The following GREB1 variants were observed in gnomAD, a reference collection of about 807,000 sequenced individuals.
The protein encoded by GREB1 is protein GREB1.
Under a neutral mutation model 200.7 loss-of-function variants are expected in GREB1, and 106 were observed. That is an observed-to-expected ratio of 0.53 (90% CI 0.45 to 0.62). The LOEUF (loss-of-function observed/expected upper bound fraction) is 0.62. Ranked by LOEUF, GREB1 falls within the 20% of genes least tolerant of loss-of-function variation. GREB1 has a pLI of 0.00. For missense variants in GREB1, 2,243 were observed against 2,556.8 expected, an observed-to-expected ratio of 0.88 and a Z score of 2.65; for synonymous variants, 1,132 against 1,092.4, an observed-to-expected ratio of 1.04 and a Z score of -0.72.
At chr2:11,557,785 T>G (rs1369354058) in intron 2 of GREB1, among the ~76,000 whole-genome samples, 2 of 152,204 alleles carry the variant, frequency 1.3e-5, no homozygotes, top group Non-Finnish European at 2.9e-5. Flanking sequence ...TGAGAGAAAC[T>G]AGACTGTGGT....
chr2:11,638,198 T>C (rs1209776679), intron 31 of GREB1, among the ~76,000 whole-genome samples: 2 of 152,224 alleles, frequency 1.3e-5, no homozygotes, highest in Non-Finnish European at 2.9e-5. Flanking sequence ...TGGAGTGCAA[T>C]GGCACGATCT....
chr2:11,637,631 T>A (rs3749064), intron 30 of GREB1, 85 bp from the exon 31 acceptor site: 4 of 1,231,544 alleles, frequency 3.2e-6, no homozygotes, highest in Non-Finnish European at 4.7e-6. Context: ...GCTCCCATGC[T>A]TGGGCCACCC....
chr2:11,607,533 T>C (rs4312459), intron 17 of GREB1, among the ~76,000 whole-genome samples: 2,181 of 42,032 alleles, frequency 0.052, 80 homozygotes, highest in African/African-American at 0.14. Flanking sequence ...TATATACACA[T>C]ATATATACAT....
chr2:11,519,457 T>G (rs1673630461), intron 1 of GREB1, among the ~76,000 whole-genome samples: 1 of 142,172 alleles, frequency 7.0e-6, no homozygotes, highest in African/African-American at 2.7e-5. Context: ...TGGTTTTTTT[T>G]TTTTTTTTTT....
chr2:11,569,839 C>T (rs991537874), intron 4 of GREB1, among the ~76,000 whole-genome samples: 1 of 152,038 alleles, frequency 6.6e-6, no homozygotes, highest in Non-Finnish European at 1.5e-5. Context: ...GGAGAGGTGG[C>T]GAGAGTGCTC....
At position 11,506,306 on chromosome 2, in the gene GREB1, A is replaced by C. The variant is rs2148438608; in HGVS notation, c.-159+23925A>C. Among the ~76,000 whole-genome samples the C allele has an allele frequency of 1.3e-5, 2 of 152,320 alleles. 1 individual carries two copies. Among genetic ancestry groups the C allele is most frequent in the South Asian group, 4.1e-4 (2 of 4,820 alleles). On this transcript the variant is annotated intron_variant, in intron 1 of 2. Coordinates refer to the GREB1 transcript ENST00000628795. ...CCAACAGGTAGTTACCATGCAGCTG[A>C]GCCAGGGTCAAATGGTTTATCTGGG...
intron 1 of GREB1, among the ~76,000 whole-genome samples, chr2:11,501,924 T>G (rs1673057297): frequency 8.5e-6 from 1 of 118,094 alleles, no homozygotes; most frequent in Non-Finnish European, 1.7e-5. Context: ...TTTTTTTTTT[T>G]TTTTTTTTTG....
chr2:11,630,436 C>G (rs988665261), intron 26 of GREB1, among the ~76,000 whole-genome samples: 8 of 152,268 alleles, frequency 5.3e-5, no homozygotes, highest in Admixed American at 2.0e-4. Context: ...ATCTTCCGTG[C>G]CCGGAAGATA....
At chr2:11,551,348 A>C (rs1431559294) in intron 1 of GREB1, among the ~76,000 whole-genome samples, 1 of 152,208 alleles carries the variant, frequency 6.6e-6, no homozygotes, top group Non-Finnish European at 1.5e-5. Flanking sequence ...CTTAAAGATA[A>C]GCAGATATCA....
Position 11,580,885 on chromosome 2 carries a change from G to A in GREB1, c.901+53G>A, listed in dbSNP as rs1572794279. ...GGGATCCTGCTCTTCTTTGGGCCAAGGCCAGAGGGGGCATGGGAGCTGCTG... is the reference window on the plus strand; with the variant it reads ...GGGATCCTGCTCTTCTTTGGGCCAAAGCCAGAGGGGGCATGGGAGCTGCTG... On this transcript the variant is annotated intron_variant, in intron 7 of 32. Transcript: ENST00000381486. This position sits in a 1 kb window ranked among gnomAD's most constrained non-coding sequence, Gnocchi z 4.5. 1.2e-6 allele frequency: 2 copies of A among 1,609,906 alleles called. 1 individual carries two copies.
rs182690560 is a variant in GREB1 at position 11,553,367 on chromosome 2, T to C, written c.-161-3087T>C. Among the ~76,000 whole-genome samples the C allele has an allele frequency of 3.8e-4, 57 of 152,000 alleles. 1 individual carries two copies. The highest frequency in any genetic ancestry group is 1.3e-3 in the African/African-American group (54 of 41,454). ...TGTGAAAATTAGCTTGGCATGGTGG[T>C]ATGTTCCTGTAGTGCCAGCCACTTG... is the stretch of plus-strand genomic sequence containing the variant. On this transcript the variant is annotated intron_variant, in intron 1 of 32. Transcript: ENST00000381486.
intron 9 of GREB1, 187 bp from the exon 10 acceptor site, chr2:11,588,559 C>T: frequency 1.5e-6 from 1 of 668,370 alleles, no homozygotes; most frequent in South Asian, 1.7e-5. Context: ...GGTGACTCCT[C>T]TCATCCTAGG....
intron 18 of GREB1, chr2:11,612,169 G>A (rs1171244244): frequency 3.4e-6 from 1 of 297,422 alleles, no homozygotes; most frequent in African/African-American, 2.3e-5. Context: ...ACTCCAGCCT[G>A]GGTGACTCAG....
At position 11,595,263 on chromosome 2, in the gene GREB1, C is replaced by T; in HGVS notation, c.1709C>T (p.Ala570Val). Reference protein sequence around the residue: ...SCIAVTGKYQARILSESLLTP... With the variant: ...SCIAVTGKYQVRILSESLLTP... ...GTTTGCTTTCCAGGAAAATACCAAG[C>T]CCGGATTCTTTCCGAGAGCCTTCTC... The change falls in exon 12 of 33, where the codon GCC (alanine) becomes GTC (valine). Residue 570 changes from alanine (A) to valine (V), a missense_variant. Physicochemically the swap from Ala to Val is moderately conservative, Grantham distance 64. Coordinates refer to ENST00000381486, the MANE Select transcript of GREB1 (RefSeq NM_014668.4). 6.2e-7 allele frequency: 1 copy of T among 1,613,140 alleles called. No individual in the cohort carries two copies. Among genetic ancestry groups the T allele is most frequent in the Non-Finnish European group, 8.5e-7 (1 of 1,179,402 alleles).
intron 1 of GREB1, among the ~76,000 whole-genome samples, chr2:11,519,261 G>T (rs796487076): frequency 2.0e-5 from 3 of 151,938 alleles, no homozygotes; most frequent in Non-Finnish European, 4.4e-5. Context: ...TATACTGTTG[G>T]TAATAAGGGC....
At chr2:11,565,467 G>A (rs570716726) in intron 3 of GREB1, among the ~76,000 whole-genome samples, 6 of 152,288 alleles carry the variant, frequency 3.9e-5, no homozygotes, top group South Asian at 4.1e-4. Context: ...GCCTTGGCTC[G>A]TCAGGACTCC....
At chr2:11,632,146 A>C (rs199606936) in intron 27 of GREB1, 33 bp downstream of exon 27, 1 of 1,443,354 alleles carries the variant, frequency 6.9e-7, no homozygotes, top group African/African-American at 1.4e-5. Context: ...TACTCAGTCA[A>C]ACTCCTGTGA....
chr2:11,483,440 GGTGTGT>G (rs151273001), intron 1 of GREB1, among the ~76,000 whole-genome samples: 2 of 150,706 alleles, frequency 1.3e-5, no homozygotes, highest in South Asian at 2.1e-4. Context: ...GTATTGCAAG[GGTGTGT>G]GTGTGTGTGT....
At chr2:11,570,523 C>CT (rs35756449) in intron 4 of GREB1, among the ~76,000 whole-genome samples, 132 of 143,694 alleles carry the variant, frequency 9.2e-4, no homozygotes, top group Middle Eastern at 3.6e-3. Context: ...TTATCTTATA[C>CT]TTTTTTTTTT....
Sources: gnomAD v4.1 joint callset for allele counts (sites outside exome capture counted in the v4.1 genomes callset) on GRCh38, gnomAD v4.1.1 for gene constraint, Gnocchi (gnomAD v3.1) non-coding constraint, MANE v1.5 for transcripts, NCBI Gene and HGNC (gene_info 2026-07-23, HGNC 2026-07-21) for gene names.